Variants in FNTB observed in about 807,000 individuals in gnomAD.
The protein encoded by FNTB is protein farnesyltransferase subunit beta.
A neutral mutation model predicts 59.4 loss-of-function variants in FNTB; 27 were observed. That is an observed-to-expected ratio of 0.45 (90% CI 0.34 to 0.63). FNTB has a LOEUF of 0.63. Among genes scored for constraint, FNTB ranks in the 20% least tolerant of loss-of-function variants. The pLI, the probability that FNTB is intolerant of heterozygous loss-of-function variation, is 0.02. For missense variants in FNTB, 449 were observed against 559.6 expected (o/e 0.80, Z 1.99); for synonymous variants, 230 against 220.7 (o/e 1.04, Z -0.37).
chr14:65,048,064 T>C (rs2062523212), intron 9 of FNTB, among the ~76,000 whole-genome samples: 1 of 145,926 alleles, frequency 6.9e-6, no homozygotes, highest in African/African-American at 2.5e-5. Flanking sequence ...CTCGGCTCAC[T>C]GTAGCCTCCT....
At chr14:65,018,396 G>A (rs1035764193) in intron 4 of FNTB, among the ~76,000 whole-genome samples, 2 of 152,168 alleles carry the variant, frequency 1.3e-5, no homozygotes, top group Non-Finnish European at 2.9e-5. Flanking sequence ...GATGTGAAAT[G>A]AAAATAGTTT....
chr14:65,043,770 C>T (rs560777677), intron 8 of FNTB, among the ~76,000 whole-genome samples: 20 of 133,194 alleles, frequency 1.5e-4, no homozygotes, highest in African/African-American at 5.1e-4. Flanking sequence ...TGCAGTGAGC[C>T]GAGATTGCGC....
Position 65,012,397 on chromosome 14 carries a change from C to G in FNTB, c.282+8C>G. The G allele has an allele frequency of 6.2e-7, 1 of 1,614,038 alleles. No homozygotes were observed. The highest frequency in any genetic ancestry group is 8.5e-7 in the Non-Finnish European group (1 of 1,179,894). ...CTGACAGATGCCTATGAGGTAAACA[C>G]ATTACCCAGGAACTCTTGCTGTCAA... On this transcript the variant is annotated splice_region_variant and intron_variant, in intron 3 of 11. Transcript: ENST00000246166. This position sits in a 1 kb window ranked among gnomAD's most constrained non-coding sequence, Gnocchi z 5.0.
At chr14:64,993,920 A>T (rs1888297904) in intron 1 of FNTB, among the ~76,000 whole-genome samples, 1 of 150,944 alleles carries the variant, frequency 6.6e-6, no homozygotes. Flanking sequence ...CAGTGGTGCG[A>T]TCTCCACTCA....
intron 7 of FNTB, among the ~76,000 whole-genome samples, chr14:65,035,575 G>A (rs1331749327): frequency 2.0e-5 from 3 of 152,020 alleles, no homozygotes; most frequent in Non-Finnish European, 4.4e-5. Flanking sequence ...TGTTGCACGA[G>A]CTGGAGTGTA....
chr14:64,992,727 T>C (rs1355113409), intron 1 of FNTB, among the ~76,000 whole-genome samples: 2 of 152,178 alleles, frequency 1.3e-5, no homozygotes, highest in Non-Finnish European at 2.9e-5. Context: ...TGCCTTGGCC[T>C]ACCAAAGTGT....
At chr14:65,048,083 T>C (rs1263334264) in intron 9 of FNTB, among the ~76,000 whole-genome samples, 3 of 150,152 alleles carry the variant, frequency 2.0e-5, no homozygotes, top group African/African-American at 4.9e-5. Context: ...CTCGGTTCAA[T>C]TGATTTTCTT....
chr14:65,043,366 A>G (rs2062395015), intron 8 of FNTB, among the ~76,000 whole-genome samples: 1 of 152,224 alleles, frequency 6.6e-6, no homozygotes, highest in Non-Finnish European at 1.5e-5. Flanking sequence ...GCTTCAAAGT[A>G]AAAGATTTTC....
At chr14:65,039,352 C>T (rs55941898) in intron 7 of FNTB, among the ~76,000 whole-genome samples, 15,055 of 152,268 alleles carry the variant, frequency 0.099, 996 homozygotes, top group Admixed American at 0.17. Context: ...ACATTTGGTA[C>T]AGTGCTCCCT....
At chr14:65,059,804 C>T (rs1367597461) in intron 11 of FNTB, among the ~76,000 whole-genome samples, 2 of 149,980 alleles carry the variant, frequency 1.3e-5, no homozygotes, top group Admixed American at 1.3e-4. Context: ...GATCTGACAG[C>T]CTTACTACAT....
chr14:65,040,665 A>T, intron 7 of FNTB, 125 bp from the exon 8 acceptor site: 1 of 1,085,406 alleles, frequency 9.2e-7, no homozygotes, highest in Non-Finnish European at 1.2e-6. Context: ...GCATCTTTTC[A>T]TTCATAGTTG....
chr14:65,006,400 C>T (rs1566865754), intron 2 of FNTB: 1 of 1,470,788 alleles, frequency 6.8e-7, no homozygotes, highest in East Asian at 2.3e-5. Context: ...AATTATTCCT[C>T]TTGTCATGAG....
At chr14:64,993,700 A>G (rs1439318717) in intron 1 of FNTB, among the ~76,000 whole-genome samples, 4 of 152,146 alleles carry the variant, frequency 2.6e-5, no homozygotes, top group African/African-American at 9.7e-5. Context: ...CAGAGAAGTG[A>G]TAGTGCCTGG....
chr14:65,053,567 T>C (rs1820850390), intron 10 of FNTB, among the ~76,000 whole-genome samples: 1 of 150,552 alleles, frequency 6.6e-6, no homozygotes, highest in African/African-American at 2.5e-5. Context: ...CCAGCCTGCA[T>C]GCAACCCCCT....
chr14:65,012,863 C>T lies in FNTB; in HGVS notation c.282+474C>T, dbSNP rs2061705648. Among the ~76,000 whole-genome samples the T allele has an allele frequency of 6.6e-6, 1 of 152,166 alleles. No individual in the cohort carries two copies. Among genetic ancestry groups the T allele is most frequent in the African/African-American group, 2.4e-5 (1 of 41,440 alleles). ...ACTTTTCATATCTTCATTAAAGAGA[C>T]AAAAAACCCTTTCTTGTAATAAGAT... On this transcript the variant is annotated intron_variant, in intron 3 of 11. Transcript: ENST00000246166. The surrounding 1 kb of genome is among the most constrained non-coding windows in gnomAD (Gnocchi z 5.0).
Position 65,023,473 on chromosome 14 carries a change from T to G in FNTB, c.375-3980T>G, listed in dbSNP as rs1015207794. Among the ~76,000 whole-genome samples the G allele has an allele frequency of 1.3e-5, 2 of 152,124 alleles. No individual in the cohort carries two copies. The highest frequency in any genetic ancestry group is 4.8e-5 in the African/African-American group (2 of 41,420). On this transcript the variant is annotated intron_variant, in intron 4 of 11. Coordinates refer to ENST00000246166, the MANE Select transcript of FNTB (RefSeq NM_002028.4). This position sits in a 1 kb window ranked among gnomAD's most constrained non-coding sequence, Gnocchi z 4.1. The stretch of plus-strand genomic sequence containing the variant: ...CTTTGAACTTGACCCTCTTACAAGA[T>G]TTACATACTCTTTAATGATGGAATG...
intron 11 of FNTB, among the ~76,000 whole-genome samples, chr14:65,056,560 GT>G (rs1441327671): frequency 6.6e-6 from 1 of 152,108 alleles, no homozygotes; most frequent in African/African-American, 2.4e-5. Flanking sequence ...TTGATTTTGT[GT>G]TTTCCTGATT....
intron 9 of FNTB, among the ~76,000 whole-genome samples, chr14:65,051,761 T>C (rs991225712): frequency 2.0e-5 from 3 of 152,294 alleles, no homozygotes; most frequent in East Asian, 1.9e-4. Flanking sequence ...GGAAAGGTTA[T>C]TGATACCATA....
chr14:65,053,625 T>TAAAAAAAAACAAAAA (rs201558638), intron 10 of FNTB, among the ~76,000 whole-genome samples: 7,566 of 145,408 alleles, frequency 0.052, 556 homozygotes, highest in African/African-American at 0.19. Context: ...CTTCTTTTTT[T>TAAAAAAAAACAAAAA]TAAAAAAAAC....
Sources: allele counts gnomAD v4.1 joint callset (sites outside exome capture counted in the v4.1 genomes callset), GRCh38; gene constraint gnomAD v4.1.1; non-coding constraint Gnocchi (gnomAD v3.1); transcripts MANE v1.5; gene names NCBI Gene and HGNC (gene_info 2026-07-23, HGNC 2026-07-21).